The following ADD1 variants were observed in gnomAD, a reference collection of about 807,000 sequenced individuals.
ADD1 encodes alpha-adducin.
ADD1 carries 24 observed loss-of-function variants against 80.5 expected under a neutral mutation model. The observed-to-expected ratio is 0.30, with a 90% confidence interval of 0.22 to 0.42. ADD1 has a LOEUF of 0.42. Among genes scored for constraint, ADD1 ranks in the 10% least tolerant of loss-of-function variants. ADD1 has a pLI of 1.00. For missense variants in ADD1, 948 were observed against 1,019.0 expected (o/e 0.93, Z 0.95); for synonymous variants, 373 against 393.8 (o/e 0.95, Z 0.63).
intron 8 of ADD1, 31 bp downstream of exon 8, chr4:2,898,562 G>GT: frequency 6.3e-7 from 1 of 1,583,052 alleles, no homozygotes; most frequent in Non-Finnish European, 8.7e-7. Context: ...TCACTCTGCA[G>GT]TTTATTTAGA....
intron 1 of ADD1, among the ~76,000 whole-genome samples, chr4:2,859,602 T>A (rs1026283691): frequency 1.1e-4 from 16 of 152,218 alleles, no homozygotes; most frequent in Non-Finnish European, 2.1e-4. Context: ...AGACCCTGTC[T>A]CAAAAAAGCA....
At chr4:2,845,957 C>G (rs1254978760) in intron 1 of ADD1, among the ~76,000 whole-genome samples, 2 of 152,184 alleles carry the variant, frequency 1.3e-5, no homozygotes, top group Non-Finnish European at 2.9e-5. Context: ...AACCCCTTTT[C>G]TCAACCAGTT....
intron 5 of ADD1, 99 bp from the exon 6 acceptor site, chr4:2,894,483 C>T: frequency 8.6e-7 from 1 of 1,166,718 alleles, no homozygotes; most frequent in Non-Finnish European, 1.2e-6. Flanking sequence ...TGCACTCCAG[C>T]CTGGGCGACA....
At chr4:2,916,673 C>G (rs1235739065) in intron 14 of ADD1, among the ~76,000 whole-genome samples, 2 of 152,164 alleles carry the variant, frequency 1.3e-5, no homozygotes, top group Non-Finnish European at 2.9e-5. Flanking sequence ...TCTCCTGATG[C>G]TATCCTTCCC....
chr4:2,871,112 G>A (rs922337310), intron 1 of ADD1, among the ~76,000 whole-genome samples: 1 of 151,944 alleles, frequency 6.6e-6, no homozygotes, highest in East Asian at 1.9e-4. Flanking sequence ...GGGACTACAG[G>A]TGCGCGCCAC....
At chr4:2,890,310 T>A (rs2108983970) in intron 4 of ADD1, among the ~76,000 whole-genome samples, 1 of 152,046 alleles carries the variant, frequency 6.6e-6, no homozygotes, top group East Asian at 1.9e-4. Flanking sequence ...GAAATAAGAA[T>A]GCCTTATAAA....
chr4:2,911,122 T>TGCAAG (rs1737946897), intron 13 of ADD1, among the ~76,000 whole-genome samples: 1 of 152,146 alleles, frequency 6.6e-6, no homozygotes, highest in South Asian at 2.1e-4. Flanking sequence ...AAGTTGAGTT[T>TGCAAG]TTCCTTGACC....
chr4:2,915,754 G>A (rs1235177326), intron 14 of ADD1, among the ~76,000 whole-genome samples: 2 of 152,204 alleles, frequency 1.3e-5, no homozygotes, highest in African/African-American at 2.4e-5. Context: ...AACCCGGGGG[G>A]CGGAGGTTGC....
At chr4:2,890,601 G>A (rs1734147726) in intron 4 of ADD1, among the ~76,000 whole-genome samples, 1 of 147,022 alleles carries the variant, frequency 6.8e-6, no homozygotes, top group African/African-American at 2.7e-5. Context: ...GTAGAGACAG[G>A]GTTTCACCAT....
intron 5 of ADD1, 116 bp downstream of exon 5, chr4:2,894,209 T>C: frequency 1.2e-6 from 1 of 838,284 alleles, no homozygotes; most frequent in South Asian, 1.5e-5. Context: ...CTATGTTTTA[T>C]GTGGTGTGTT....
At chr4:2,850,551 G>T (rs990776723) in intron 1 of ADD1, among the ~76,000 whole-genome samples, 4 of 152,154 alleles carry the variant, frequency 2.6e-5, no homozygotes, top group Admixed American at 2.0e-4. Flanking sequence ...TCAGCCTCCT[G>T]AGTAGCTGGG....
At chr4:2,910,472 C>A (rs974498333) in intron 13 of ADD1, among the ~76,000 whole-genome samples, 1 of 152,222 alleles carries the variant, frequency 6.6e-6, no homozygotes, top group Non-Finnish European at 1.5e-5. Flanking sequence ...AAGAGCTTCT[C>A]AGAGCAGGGG....
At chr4:2,856,931 G>T (rs1260331568) in intron 1 of ADD1, among the ~76,000 whole-genome samples, 1 of 148,914 alleles carries the variant, frequency 6.7e-6, no homozygotes, top group Non-Finnish European at 1.5e-5. Flanking sequence ...TATTTTTTTT[G>T]AGATGGAGTC....
In ADD1 at chr4:2,899,432, T is replaced by C; in HGVS notation, c.1158T>C (p.Asn386=). 6.2e-7 allele frequency: 1 copy of C among 1,614,190 alleles called. No individual in the cohort carries two copies. The highest frequency in any genetic ancestry group is 1.3e-5 in the African/African-American group (1 of 75,042). The change falls in exon 9 of 16, where the codon AAT becomes AAC. Residue 386 remains asparagine (N), a synonymous_variant. Transcript: ENST00000683351. ...AAGCCCTCATGCGGATGCTCGATAATCTGGTAAGAATGGTGCCACCACTTG... is the reference window on the plus strand; with the variant it reads ...AAGCCCTCATGCGGATGCTCGATAACCTGGTAAGAATGGTGCCACCACTTG... ...EFEALMRMLD[N]LGYRTGYPYR... is the part of the protein sequence containing the mutation.
chr4:2,928,264 C>T lies in ADD1; in HGVS notation c.2141C>T (p.Ala714Val). Residue 714 changes from alanine to valine, a missense_variant, in exon 16 of 16, where the codon GCA becomes GTA. By Grantham distance (64) the Ala-to-Val change is moderately conservative. Transcript: ENST00000683351. The stretch of plus-strand genomic sequence containing the variant: ...CTGTCCCCTGATGAACCTTCAGAAG[C>T]ACTCGGCTTCCCAATGTTAGAGAAG... ...PDLSPDEPSE[A>V]LGFPMLEKEE... 1 of 1,614,102 alleles carries T rather than the reference C, an allele frequency of 6.2e-7. No individual in the cohort carries two copies. The highest frequency in any genetic ancestry group is 8.5e-7 in the Non-Finnish European group (1 of 1,180,028).
At chr4:2,917,610 C>T (rs1739303813) in intron 14 of ADD1, among the ~76,000 whole-genome samples, 1 of 152,130 alleles carries the variant, frequency 6.6e-6, no homozygotes, top group Non-Finnish European at 1.5e-5. Flanking sequence ...TTGCCCATGC[C>T]TATGTCCTGA....
At chr4:2,868,733 C>T (rs59570629) in intron 1 of ADD1, among the ~76,000 whole-genome samples, 2,555 of 152,084 alleles carry the variant, frequency 0.017, 84 homozygotes, top group African/African-American at 0.058. Flanking sequence ...AAGTATGTAC[C>T]CAGATAATTT....
intron 9 of ADD1, chr4:2,904,517 A>G (rs572253145): frequency 8.9e-6 from 5 of 559,406 alleles, no homozygotes; most frequent in Non-Finnish European, 1.6e-5. Context: ...TCCATCTCCT[A>G]TATGGATGGA....
intron 10 of ADD1, chr4:2,907,488 G>A (rs1002684766): frequency 5.2e-6 from 2 of 384,692 alleles, no homozygotes; most frequent in Non-Finnish European, 9.8e-6. Flanking sequence ...TTATGACCCA[G>A]ATTCAGCTGG....
Sources: gnomAD v4.1 joint callset for allele counts (sites outside exome capture counted in the v4.1 genomes callset) on GRCh38, gnomAD v4.1.1 for gene constraint, MANE v1.5 for transcripts, NCBI Gene and HGNC (gene_info 2026-07-23, HGNC 2026-07-21) for gene names.